NFKBID: variants seen among roughly 807,000 people sequenced by gnomAD.
NFKBID encodes NF-kappa-B inhibitor delta.
A neutral mutation model predicts 53.4 loss-of-function variants in NFKBID; 26 were observed. That is an observed-to-expected ratio of 0.49 (90% confidence interval 0.36 to 0.68). The LOEUF is 0.68. Among genes scored for constraint, NFKBID ranks in the 30% least tolerant of loss-of-function variants. The pLI is 0.00. For missense variants in NFKBID, 493 were observed against 614.1 expected, an observed-to-expected ratio of 0.80 and a Z score of 2.08; for synonymous variants, 262 against 259.8, an observed-to-expected ratio of 1.01 and a Z score of -0.08.
upstream of NFKBID, chr19:35,901,880 C>T: frequency 2.5e-6 from 1 of 407,258 alleles, no homozygotes; most frequent in East Asian, 5.3e-5. Context: ...TTTCAAGATG[C>T]CATGCTCTCA....
At position 35,896,663 on chromosome 19, in the gene NFKBID, G is replaced by A. The variant is rs1975180114; in HGVS notation, c.684+63C>T. ...CCATTCCCCTCTTCTCTAGGATCCA[G>A]GGGTCCAGGCCCCAGGCTCCTTCCT... is the stretch of plus-strand genomic sequence containing the variant. On this transcript the variant is annotated intron_variant, in intron 6 of 11. Transcript: ENST00000641389. This position sits in a 1 kb window ranked among gnomAD's most constrained non-coding sequence, Gnocchi z 5.7. The A allele has an allele frequency of 6.5e-7, 1 of 1,537,402 alleles. No individual in the cohort carries two copies. Among genetic ancestry groups the A allele is most frequent in the Non-Finnish European group, 8.9e-7 (1 of 1,120,206 alleles).
chr19:35,890,443 G>A (rs766349463), exon 10 of NFKBID: 2 of 1,614,078 alleles, frequency 1.2e-6, no homozygotes, highest in Admixed American at 1.7e-5. Flanking sequence ...GAGTGGGGTT[G>A]GCAGCCTGCA....
exon 12 of NFKBID, chr19:35,888,301 T>A: frequency 2.0e-6 from 1 of 506,314 alleles, no homozygotes; most frequent in Non-Finnish European, 3.6e-6. Flanking sequence ...GGGTGCAGGG[T>A]GTTTCACAGA....
At chr19:35,888,553 T>C (rs968537795) in exon 12 of NFKBID, 1 of 1,563,550 alleles carries the variant, frequency 6.4e-7, no homozygotes, top group Non-Finnish European at 8.7e-7. Flanking sequence ...GGTCTGGGTT[T>C]GAGTCCTAAG....
At chr19:35,891,448 AT>A (rs1314608633) in intron 9 of NFKBID, among the ~76,000 whole-genome samples, 2 of 152,176 alleles carry the variant, frequency 1.3e-5, no homozygotes, top group South Asian at 2.1e-4. Context: ...TTGGATCTTG[AT>A]TTTTTTTAAT....
chr19:35,901,264 A>G (rs1014604639), upstream of NFKBID, among the ~76,000 whole-genome samples: 1 of 151,940 alleles, frequency 6.6e-6, no homozygotes. Flanking sequence ...CTGGGTCCAG[A>G]GGGAGGCAGG....
chr19:35,891,162 C>G (rs1346741514), intron 9 of NFKBID, among the ~76,000 whole-genome samples: 1 of 152,192 alleles, frequency 6.6e-6, no homozygotes, highest in East Asian at 1.9e-4. Context: ...CAGGAGTTGG[C>G]AGCATTAATC....
At chr19:35,897,676 G>C (rs1402350378) in exon 4 of NFKBID, 1 of 1,603,310 alleles carries the variant, frequency 6.2e-7, no homozygotes, top group Admixed American at 1.7e-5. Flanking sequence ...AAATGGGCAC[G>C]GCTGCCCTGG....
At chr19:35,901,664 G>GTGGTCGCCGT, upstream of NFKBID, 1 of 156,360 alleles carries the variant, frequency 6.4e-6, no homozygotes, top group Non-Finnish European at 1.4e-5. Flanking sequence ...TGAGATCTCG[G>GTGGTCGCCGT]CTCACTGCAA....
At chr19:35,901,950 T>G, upstream of NFKBID, 3 of 556,368 alleles carry the variant, frequency 5.4e-6, no homozygotes. Flanking sequence ...CCCCATTCAG[T>G]GTGTGTTGTG....
upstream of NFKBID, chr19:35,902,129 G>A (rs952966228): frequency 7.1e-6 from 5 of 702,366 alleles, no homozygotes; most frequent in Non-Finnish European, 1.3e-5. Context: ...CAGGGAGATT[G>A]TCAGGCATTT....
chr19:35,897,749 A>G (rs1299068727), exon 4 of NFKBID: 1 of 1,610,842 alleles, frequency 6.2e-7, no homozygotes, highest in Non-Finnish European at 8.5e-7. Context: ...GGGCAAGAGT[A>G]GGGGCTGTCA....
chr19:35,890,323 C>G (rs775814753), intron 10 of NFKBID, 51 bp downstream of exon 10: 1 of 1,272,344 alleles, frequency 7.9e-7, no homozygotes, highest in Non-Finnish European at 1.1e-6. Flanking sequence ...CATCCCACTG[C>G]CCCCCCTACC....
intron 9 of NFKBID, among the ~76,000 whole-genome samples, chr19:35,894,319 T>A (rs1444931286): frequency 1.3e-5 from 2 of 152,126 alleles, no homozygotes. Context: ...ATGAAGGAGC[T>A]ACTGTCACAG....
chr19:35,897,710 G>A (rs1568494711), exon 4 of NFKBID: 1 of 1,612,774 alleles, frequency 6.2e-7, no homozygotes, highest in South Asian at 1.1e-5. Flanking sequence ...TAGAAGTCAG[G>A]AGGCAGGAAA....
At chr19:35,889,808 C>G in intron 11 of NFKBID, 82 bp downstream of exon 11, 1 of 1,379,322 alleles carries the variant, frequency 7.2e-7, no homozygotes, top group Non-Finnish European at 9.9e-7. Flanking sequence ...TCTCTGAAAG[C>G]GAGCATTGGG....
At chr19:35,898,740 C>A (rs941501987) in exon 2 of NFKBID, 10 of 1,533,832 alleles carry the variant, frequency 6.5e-6, no homozygotes, top group African/African-American at 2.7e-5. Context: ...CAGCGTCGGG[C>A]TGCTGCTGCT....
exon 11 of NFKBID, chr19:35,889,956 G>T: frequency 6.2e-7 from 1 of 1,612,086 alleles, no homozygotes; most frequent in South Asian, 1.1e-5. Context: ...TGCGCAGTGT[G>T]GGGTCCGCCC....
chr19:35,891,852 G>A (rs8104979), intron 9 of NFKBID, among the ~76,000 whole-genome samples: 1 of 151,482 alleles, frequency 6.6e-6, no homozygotes, highest in Non-Finnish European at 1.5e-5. Context: ...GGGCAACAGA[G>A]TGAGACTCCG....
Sources: allele counts gnomAD v4.1 joint callset (sites outside exome capture counted in the v4.1 genomes callset), GRCh38; gene constraint gnomAD v4.1.1; non-coding constraint Gnocchi (gnomAD v3.1); transcripts MANE v1.5; gene names NCBI Gene and HGNC (gene_info 2026-07-23, HGNC 2026-07-21).